The following RORA variants were observed in gnomAD, a reference collection of about 807,000 sequenced individuals.
RORA encodes nuclear receptor ROR-alpha.
A neutral mutation model predicts 69.5 loss-of-function variants in RORA; 7 were observed. The observed-to-expected ratio is 0.10, with a 90% CI of 0.06 to 0.19. The LOEUF (loss-of-function observed/expected upper bound fraction) is 0.19. Ranked by LOEUF, RORA falls within the 10% of genes least tolerant of loss-of-function variation. The pLI is 1.00. For missense variants in RORA, 457 were observed against 663.0 expected (o/e 0.69, Z 3.41); for synonymous variants, 261 against 240.8 (o/e 1.08, Z -0.78).
In RORA at chr15:60,567,394, C is replaced by CATTATT. The variant is rs771357639; in HGVS notation, c.197-35549_197-35544dup. On this transcript the variant is annotated intron_variant, in intron 2 of 10. Transcript: ENST00000335670. ...TTAGAGAGATGCCCTCTTTTATTAT[C>CATTATT]ATTATTATTATTATTATTATTATTT... Among the ~76,000 whole-genome samples the CATTATT allele has an allele frequency of 8.0e-5, 12 of 149,472 alleles. No individual in the cohort carries two copies. The South Asian group carries it at 1.3e-3, about 16-fold the overall frequency.
intron 1 of RORA, among the ~76,000 whole-genome samples, chr15:60,916,571 T>C (rs529120235): frequency 6.6e-6 from 1 of 152,198 alleles, no homozygotes; most frequent in Admixed American, 6.5e-5. Context: ...ATAAATAGCT[T>C]ACCACTCATC....
intron 1 of RORA, among the ~76,000 whole-genome samples, chr15:60,899,252 A>G (rs1891317875): frequency 6.6e-6 from 1 of 152,216 alleles, no homozygotes; most frequent in Non-Finnish European, 1.5e-5. Context: ...TACCAGTTTC[A>G]AACACCCTCA....
At chr15:60,612,731 C>T (rs1204396739) in intron 2 of RORA, among the ~76,000 whole-genome samples, 1 of 140,234 alleles carries the variant, frequency 7.1e-6, no homozygotes, top group African/African-American at 2.7e-5. Context: ...GTATTTTCTG[C>T]AAACATGAAA....
intron 2 of RORA, among the ~76,000 whole-genome samples, chr15:60,572,420 A>C (rs180810169): frequency 6.6e-6 from 1 of 152,274 alleles, no homozygotes; most frequent in African/African-American, 2.4e-5. Context: ...GAACCATAAG[A>C]AACAGAGGGG....
chr15:60,981,711 CTT>C (rs1439346939), intron 1 of RORA, among the ~76,000 whole-genome samples: 7 of 152,148 alleles, frequency 4.6e-5, no homozygotes, highest in African/African-American at 1.7e-4. Context: ...GCTCTCATAA[CTT>C]AACTCTTTAG....
At chr15:61,187,471 G>T (rs553346956) in intron 1 of RORA, among the ~76,000 whole-genome samples, 1 of 152,312 alleles carries the variant, frequency 6.6e-6, no homozygotes, top group East Asian at 1.9e-4. Context: ...GGAGGATAGG[G>T]AGATCTGAGG....
chr15:60,790,412 G>A (rs566685186), intron 1 of RORA, among the ~76,000 whole-genome samples: 4 of 152,184 alleles, frequency 2.6e-5, no homozygotes, highest in South Asian at 2.1e-4. Flanking sequence ...TTGGGTGAGC[G>A]CTGATGGAGA....
chr15:61,185,266 C>A (rs1449530624), intron 1 of RORA, among the ~76,000 whole-genome samples: 1 of 151,972 alleles, frequency 6.6e-6, no homozygotes, highest in Non-Finnish European at 1.5e-5. Context: ...TGAGCCTCTG[C>A]AGCAAACTAA....
intron 2 of RORA, chr15:60,556,916 G>A: frequency 1.9e-6 from 3 of 1,613,198 alleles, no homozygotes; most frequent in Non-Finnish European, 8.5e-7. Context: ...TTGCCATTCT[G>A]CCTCCAGGAA....
intron 1 of RORA, among the ~76,000 whole-genome samples, chr15:60,970,466 T>G (rs747470023): frequency 6.6e-6 from 1 of 152,204 alleles, no homozygotes; most frequent in Admixed American, 6.5e-5. Flanking sequence ...CCTGGGGATA[T>G]AGAATGCAAC....
intron 1 of RORA, among the ~76,000 whole-genome samples, chr15:61,098,607 T>C (rs1300386715): frequency 6.6e-6 from 1 of 152,132 alleles, no homozygotes; most frequent in East Asian, 1.9e-4. Context: ...CCTCCTCAAA[T>C]GCTAGGGTTA....
At chr15:60,875,982 T>A (rs1238364751) in intron 1 of RORA, among the ~76,000 whole-genome samples, 2 of 152,174 alleles carry the variant, frequency 1.3e-5, no homozygotes. Flanking sequence ...CACTTAAGGA[T>A]CAGGTTCTCT....
At chr15:60,593,119 C>A (rs1729177246) in intron 2 of RORA, 2 of 320,600 alleles carry the variant, frequency 6.2e-6, no homozygotes, top group Admixed American at 9.0e-5. Context: ...CGAAGTCTTT[C>A]TGGAGAGACT....
At chr15:60,923,505 C>A (rs1345752861) in intron 1 of RORA, among the ~76,000 whole-genome samples, 1 of 152,106 alleles carries the variant, frequency 6.6e-6, no homozygotes, top group Non-Finnish European at 1.5e-5. Context: ...CATCTAGGCC[C>A]CTGACACTCA....
chr15:61,159,279 C>T (rs2079473428), intron 1 of RORA, among the ~76,000 whole-genome samples: 3 of 152,182 alleles, frequency 2.0e-5, no homozygotes, highest in African/African-American at 7.2e-5. Flanking sequence ...AAAGAAGCAG[C>T]TTTGCCTTTC....
intron 1 of RORA, among the ~76,000 whole-genome samples, chr15:60,928,049 TC>T (rs1892268528): frequency 6.6e-6 from 1 of 152,172 alleles, no homozygotes. Context: ...AGCAAGATTT[TC>T]CTCCCATCCT....
Position 60,574,167 on chromosome 15 carries a change from C to A in RORA, c.197-42316G>T, listed in dbSNP as rs577636276. ...CTGCGAGTCTGGCAGACTCAGCCCCCAATTGGAGCTATGTGCTAGCCCTGT... is the reference window on the plus strand; with the variant it reads ...CTGCGAGTCTGGCAGACTCAGCCCCAAATTGGAGCTATGTGCTAGCCCTGT... On this transcript the variant is annotated intron_variant, in intron 2 of 10. Coordinates refer to ENST00000335670, the MANE Select transcript of RORA (RefSeq NM_134261.3). Among the ~76,000 whole-genome samples the A allele has an allele frequency of 3.3e-5, 5 of 152,276 alleles. No individual in the cohort carries two copies. In the East Asian group the frequency reaches 9.6e-4, roughly 29 times the overall value.
intron 2 of RORA, among the ~76,000 whole-genome samples, chr15:60,595,909 G>A (rs2068656293): frequency 1.3e-5 from 2 of 152,112 alleles, no homozygotes; most frequent in South Asian, 4.1e-4. Flanking sequence ...CTGTGTGCTG[G>A]GTTCCACACT....
intron 2 of RORA, among the ~76,000 whole-genome samples, chr15:60,553,443 A>G (rs2067276189): frequency 6.6e-6 from 1 of 152,208 alleles, no homozygotes; most frequent in African/African-American, 2.4e-5. Flanking sequence ...ACAGAGACTA[A>G]CAGCTATTTT....
Sources: gnomAD v4.1 joint callset for allele counts (sites outside exome capture counted in the v4.1 genomes callset) on GRCh38, gnomAD v4.1.1 for gene constraint, MANE v1.5 for transcripts, NCBI Gene and HGNC (gene_info 2026-07-23, HGNC 2026-07-21) for gene names.